LYSMD2: variants seen among roughly 807,000 people sequenced by gnomAD.
LYSMD2 encodes the protein lysM and putative peptidoglycan-binding domain-containing protein 2.
In LYSMD2, 6 loss-of-function variants were observed where a neutral mutation model predicts 17.7. The observed-to-expected ratio is 0.34, with a 90% CI of 0.19 to 0.67. LYSMD2 has a LOEUF of 0.67. Ranked by LOEUF, LYSMD2 falls within the 30% of genes least tolerant of loss-of-function variation. The pLI is 0.69. For synonymous variants in LYSMD2, 102 were observed against 129.8 expected (o/e 0.79, Z 1.45); for missense variants, 237 against 286.7 (o/e 0.83, Z 1.25).
At chr15:51,730,006 G>A (rs565362968) in intron 1 of LYSMD2, among the ~76,000 whole-genome samples, 120 of 152,310 alleles carry the variant, frequency 7.9e-4, no homozygotes, top group Non-Finnish European at 1.1e-3. Flanking sequence ...TGGGAGTGGG[G>A]AGGTACACTG....
chr15:51,739,387 G>A (rs2055632288), upstream of LYSMD2, among the ~76,000 whole-genome samples: 1 of 152,138 alleles, frequency 6.6e-6, no homozygotes, highest in Non-Finnish European at 1.5e-5. Context: ...TTGAGGTGTA[G>A]TAAAAAGATC....
rs2055516029 is a variant in LYSMD2 at position 51,723,503 on chromosome 15, G to A, written c.*104C>T. ...ACTACCTAGTTATGATTTTAAGATG[G>A]ACACTATAGGAATCCAGAAGGGATG... On this transcript the variant is annotated 3_prime_UTR_variant, in exon 3 of 3. Transcript: ENST00000267838. 2.2e-6 allele frequency: 2 copies of A among 908,734 alleles called. No individual in the cohort carries two copies. The highest frequency in any genetic ancestry group is 2.7e-5 in the South Asian group (2 of 74,786). 56.3% of individuals were successfully genotyped at this position (908,734 alleles called of 1,614,324 possible). A position where few individuals can be genotyped will look rare whatever the true frequency, so the allele number is the denominator to read the frequency against.
At chr15:51,748,530 G>C (rs868689844) in intron 1 of LYSMD2, among the ~76,000 whole-genome samples, 1 of 152,164 alleles carries the variant, frequency 6.6e-6, no homozygotes, top group Non-Finnish European at 1.5e-5. Context: ...GATGCTTTCA[G>C]CTTCAAGTAA....
At position 51,724,920 on chromosome 15, in the gene LYSMD2, G is replaced by A. The variant is rs771083502; in HGVS notation, c.475C>T (p.Pro159Ser). The change falls in exon 2 of 3, where the codon CCC (proline) becomes TCC (serine). Residue 159 changes from proline (P) to serine (S), a missense_variant. Physicochemically the swap from Pro to Ser is moderately conservative, Grantham distance 74 (BLOSUM62 -1). Transcript: ENST00000267838. ...PVVAGEDLPP[P>S]SPQESDVQPV... ...TGAACATCAGATTCTTGAGGACTGGGAGGAGGGAGGTCTTCCCCGGCCACC... is the reference window on the plus strand; with the variant it reads ...TGAACATCAGATTCTTGAGGACTGGAAGGAGGGAGGTCTTCCCCGGCCACC... 5.0e-6 allele frequency: 8 copies of A among 1,614,150 alleles called. No individual in the cohort carries two copies. The South Asian group carries it at 8.8e-5, about 18-fold the overall frequency.
chr15:51,736,484 G>A (rs531944318), intron 1 of LYSMD2, among the ~76,000 whole-genome samples: 112 of 152,164 alleles, frequency 7.4e-4, no homozygotes, highest in Admixed American at 1.3e-3. Flanking sequence ...TCCTTCATTC[G>A]GTAAAGGGCC....
intron 1 of LYSMD2, among the ~76,000 whole-genome samples, chr15:51,731,509 G>A (rs2141595450): frequency 6.6e-6 from 1 of 152,296 alleles, no homozygotes; most frequent in South Asian, 2.1e-4. Flanking sequence ...TAGCGGAAAT[G>A]TTAAGCAACA....
At chr15:51,742,179 A>G (rs1011699006), upstream of LYSMD2, among the ~76,000 whole-genome samples, 2 of 151,970 alleles carry the variant, frequency 1.3e-5, no homozygotes, top group Admixed American at 1.3e-4. Flanking sequence ...CACCAAGATT[A>G]CAGGCCTGCA....
chr15:51,748,099 C>T (rs2055677187), intron 1 of LYSMD2, among the ~76,000 whole-genome samples: 1 of 151,830 alleles, frequency 6.6e-6, no homozygotes, highest in African/African-American at 2.4e-5. Context: ...GGTGAAACCC[C>T]GTCTCTACTA....
intron 1 of LYSMD2, among the ~76,000 whole-genome samples, chr15:51,749,250 G>A (rs1486333160): frequency 2.0e-5 from 3 of 152,210 alleles, no homozygotes; most frequent in Non-Finnish European, 2.9e-5. Context: ...TAAACAGACT[G>A]GAACTGGTAA....
rs1230981902 is a variant in LYSMD2, at chr15:51,724,739, TC to T, written c.605+50del. On this transcript the variant is annotated intron_variant, in intron 2 of 2. Coordinates refer to ENST00000267838, the MANE Select transcript of LYSMD2 (RefSeq NM_153374.3). ...AGAAAGATTTGGCCCAGCAAGGACA[TC>T]TTAATAGTGATTTATTTAGACTTTG... 4.4e-6 allele frequency: 6 copies of T among 1,348,530 alleles called. No homozygotes were observed. In the African/African-American group the frequency reaches 8.7e-5, roughly 20 times the overall value. The allele number at this position is 1,348,530 out of a possible 1,614,324, so 83.5% of individuals were successfully genotyped here.
rs572294909 is a variant in LYSMD2, at chr15:51,745,371, A to T, written c.-1+5900T>A. On this transcript the variant is annotated intron_variant, in intron 1 of 2. Coordinates refer to the LYSMD2 transcript ENST00000454181. ...TCTCAACAAAATACTAGCAAGCTAA[A>T]CCTTGCAACATGTAGAAAGATTATA... 5.3e-5 allele frequency among the ~76,000 whole-genome samples: 8 copies of T among 152,302 alleles called. No homozygotes were observed. The South Asian group carries it at 1.7e-3, about 32-fold the overall frequency.
chr15:51,746,933 A>C (rs7173375), intron 1 of LYSMD2, among the ~76,000 whole-genome samples: 72,026 of 149,736 alleles, frequency 0.48, 17,527 homozygotes, highest in Admixed American at 0.55. Context: ...TAATCCCAAC[A>C]CTTCGAGAAG....
rs151086216 is a variant in LYSMD2, at chr15:51,724,137, A to G, written c.606-488T>C. 5.0e-3 allele frequency among the ~76,000 whole-genome samples: 755 copies of G among 152,198 alleles called. 27 individuals are homozygous for G. In the East Asian group the frequency reaches 0.082, roughly 16 times the overall value. On this transcript the variant is annotated intron_variant, in intron 2 of 2. Transcript: ENST00000267838. ...ATCAATTTTAGTTGCAAGCTTCCCA[A>G]TAGCCAGAGCAAAAAAGGAAACACA...
At chr15:51,747,958 A>T (rs1374756198) in intron 1 of LYSMD2, among the ~76,000 whole-genome samples, 19 of 152,194 alleles carry the variant, frequency 1.2e-4, no homozygotes. Context: ...CCATGTGGTA[A>T]GTATTATTAT....
intron 1 of LYSMD2, among the ~76,000 whole-genome samples, chr15:51,734,340 T>C (rs2055595774): frequency 6.6e-6 from 1 of 152,238 alleles, no homozygotes; most frequent in African/African-American, 2.4e-5. Context: ...CATGGATCTA[T>C]TCTCACATCC....
chr15:51,727,494 C>T (rs1026646155), intron 1 of LYSMD2, among the ~76,000 whole-genome samples: 1 of 152,326 alleles, frequency 6.6e-6, no homozygotes, highest in South Asian at 2.1e-4. Flanking sequence ...CTCAACTATG[C>T]CCACATTCAG....
chr15:51,727,067 AGGAT>A (rs200917914), intron 1 of LYSMD2, among the ~76,000 whole-genome samples: 1 of 152,154 alleles, frequency 6.6e-6, no homozygotes, highest in Non-Finnish European at 1.5e-5. Context: ...GGTGGATGGA[AGGAT>A]GGATGGATGG....
At chr15:51,737,670 G>A (rs2141599614), upstream of LYSMD2, 1 of 1,188,820 alleles carries the variant, frequency 8.4e-7, no homozygotes, top group East Asian at 3.5e-5. This position sits in a 1 kb window ranked among gnomAD's most constrained non-coding sequence, Gnocchi z 4.2. Flanking sequence ...AGGGGGCGGC[G>A]CCTCCTCCTC....
At chr15:51,731,454 A>C (rs1242522163) in intron 1 of LYSMD2, among the ~76,000 whole-genome samples, 1 of 152,218 alleles carries the variant, frequency 6.6e-6, no homozygotes, top group Non-Finnish European at 1.5e-5. Flanking sequence ...TTATTCCCCC[A>C]AAAATGACAA....
Sources: allele counts gnomAD v4.1 joint callset (sites outside exome capture counted in the v4.1 genomes callset), GRCh38; gene constraint gnomAD v4.1.1; non-coding constraint Gnocchi (gnomAD v3.1); transcripts MANE v1.5; gene names NCBI Gene and HGNC (gene_info 2026-07-23, HGNC 2026-07-21).